The following TAFA1 variants were observed in gnomAD, a reference collection of about 807,000 sequenced individuals.
TAFA1 encodes the protein TAFA chemokine like family member 1.
TAFA1 carries 4 observed loss-of-function variants against 18.5 expected under a neutral mutation model. That is an observed-to-expected ratio of 0.22 (90% CI 0.11 to 0.49). The LOEUF (loss-of-function observed/expected upper bound fraction) is 0.49. Among genes scored for constraint, TAFA1 ranks in the 20% least tolerant of loss-of-function variants. TAFA1 has a pLI of 0.98. For synonymous variants in TAFA1, 56 were observed against 55.2 expected, an observed-to-expected ratio of 1.01 and a Z score of -0.06; for missense variants, 147 against 169.0, an observed-to-expected ratio of 0.87 and a Z score of 0.72.
At chr3:68,462,209 G>T (rs1288112357) in intron 3 of TAFA1, among the ~76,000 whole-genome samples, 1 of 151,726 alleles carries the variant, frequency 6.6e-6, no homozygotes, top group Non-Finnish European at 1.5e-5. Context: ...ATAAAATTTG[G>T]CAAACATAAT....
At chr3:68,257,429 G>T (rs1482197658) in intron 2 of TAFA1, among the ~76,000 whole-genome samples, 2 of 151,410 alleles carry the variant, frequency 1.3e-5, no homozygotes, top group Non-Finnish European at 2.9e-5. Flanking sequence ...GCCATGGACG[G>T]TGTCCATCTT....
chr3:68,087,863 AT>A (rs150207854), intron 2 of TAFA1, among the ~76,000 whole-genome samples: 2,527 of 152,042 alleles, frequency 0.017, 72 homozygotes, highest in African/African-American at 0.058. Context: ...TATTTAAAAA[AT>A]TTTTTTCTAC....
chr3:68,075,894 A>G (rs1316205724), intron 2 of TAFA1, among the ~76,000 whole-genome samples: 1 of 152,032 alleles, frequency 6.6e-6, no homozygotes, highest in Non-Finnish European at 1.5e-5. Flanking sequence ...ATGGGGTTTC[A>G]CCATGTTTCC....
At chr3:68,114,537 C>T (rs558671355) in intron 2 of TAFA1, among the ~76,000 whole-genome samples, 6 of 152,212 alleles carry the variant, frequency 3.9e-5, no homozygotes, top group South Asian at 4.1e-4. Flanking sequence ...TCAATGAGAT[C>T]GCTACCAGAA....
At chr3:68,379,600 G>A (rs990500915) in intron 2 of TAFA1, among the ~76,000 whole-genome samples, 4 of 151,976 alleles carry the variant, frequency 2.6e-5, no homozygotes, top group Admixed American at 6.6e-5. Context: ...TTGCCAAGTC[G>A]TCTTCCAGGG....
chr3:68,518,808 A>G (rs2106745855), intron 3 of TAFA1, among the ~76,000 whole-genome samples: 1 of 152,324 alleles, frequency 6.6e-6, no homozygotes, highest in East Asian at 1.9e-4. Flanking sequence ...CAAGTACCAC[A>G]ACCAGAGGGA....
intron 2 of TAFA1, among the ~76,000 whole-genome samples, chr3:68,395,075 C>T (rs1008638003): frequency 4.6e-5 from 7 of 151,992 alleles, no homozygotes; most frequent in Admixed American, 2.0e-4. Flanking sequence ...TATCCAGAAA[C>T]TACAAGGAAC....
intron 2 of TAFA1, among the ~76,000 whole-genome samples, chr3:68,195,244 A>T (rs2066396664): frequency 6.6e-6 from 1 of 150,528 alleles, no homozygotes; most frequent in African/African-American, 2.4e-5. Context: ...AAAATGCTTA[A>T]TTTCTTTCTA....
At chr3:68,387,706 T>C (rs2070134414) in intron 2 of TAFA1, among the ~76,000 whole-genome samples, 1 of 151,984 alleles carries the variant, frequency 6.6e-6, no homozygotes, top group Non-Finnish European at 1.5e-5. Flanking sequence ...AAGGCAATTC[T>C]CTGCTGTAGT....
intron 3 of TAFA1, among the ~76,000 whole-genome samples, chr3:68,506,178 T>C (rs2072749530): frequency 6.6e-6 from 1 of 152,112 alleles, no homozygotes; most frequent in Admixed American, 6.6e-5. Flanking sequence ...CTGAGAATGA[T>C]AGTTTCCAGC....
intron 2 of TAFA1, among the ~76,000 whole-genome samples, chr3:68,337,310 G>A (rs554854767): frequency 1.9e-4 from 29 of 152,092 alleles, no homozygotes; most frequent in African/African-American, 6.5e-4. Context: ...CAGGGGGAGC[G>A]GGGGTGGTGC....
At chr3:68,001,001 AC>A (rs1448685068), upstream of TAFA1, among the ~76,000 whole-genome samples, 2 of 152,356 alleles carry the variant, frequency 1.3e-5, no homozygotes, top group South Asian at 2.1e-4. Flanking sequence ...AACCAAAAAA[AC>A]ATATTATTGT....
At chr3:68,446,176 G>T (rs1218977493) in intron 3 of TAFA1, among the ~76,000 whole-genome samples, 2 of 151,994 alleles carry the variant, frequency 1.3e-5, no homozygotes, top group Non-Finnish European at 2.9e-5. Flanking sequence ...CAAAGTGTTG[G>T]GATTATAGAC....
chr3:68,041,168 C>A (rs137937810), intron 2 of TAFA1, among the ~76,000 whole-genome samples: 15 of 152,172 alleles, frequency 9.9e-5, no homozygotes, highest in African/African-American at 3.4e-4. Flanking sequence ...AAGAAAAAAT[C>A]CCTTTTATTC....
chr3:68,494,600 T>C (rs1401490937), intron 3 of TAFA1, among the ~76,000 whole-genome samples: 7 of 152,190 alleles, frequency 4.6e-5, no homozygotes, highest in African/African-American at 1.4e-4. Context: ...AAGACTCCAG[T>C]AGTCATCTTG....
chr3:68,474,526 A>G (rs980993068), intron 3 of TAFA1, among the ~76,000 whole-genome samples: 2 of 152,190 alleles, frequency 1.3e-5, no homozygotes, highest in African/African-American at 4.8e-5. Context: ...GCAGAGTCAA[A>G]CTCACTAAGG....
intron 2 of TAFA1, among the ~76,000 whole-genome samples, chr3:68,238,195 C>A (rs1047725839): frequency 1.2e-4 from 19 of 152,122 alleles, no homozygotes; most frequent in African/African-American, 4.3e-4. Context: ...TTCAACTGGG[C>A]CTGTACAAGT....
intron 2 of TAFA1, among the ~76,000 whole-genome samples, chr3:68,019,118 A>G (rs1559704296): frequency 2.0e-5 from 3 of 152,366 alleles, no homozygotes; most frequent in East Asian, 1.9e-4. Flanking sequence ...ATTGAAATTA[A>G]ATAACAAATT....
At chr3:68,052,343 CT>C (rs1421474591) in intron 2 of TAFA1, among the ~76,000 whole-genome samples, 1 of 152,142 alleles carries the variant, frequency 6.6e-6, no homozygotes, top group African/African-American at 2.4e-5. Flanking sequence ...CAATGGCACT[CT>C]TTTTTGTTTT....
Sources: allele counts gnomAD v4.1 joint callset (sites outside exome capture counted in the v4.1 genomes callset), GRCh38; gene constraint gnomAD v4.1.1; transcripts MANE v1.5; gene names NCBI Gene and HGNC (gene_info 2026-07-23, HGNC 2026-07-21).